Variants in SNX10 observed in about 807,000 individuals in gnomAD.
SNX10 encodes the protein sorting nexin-10.
SNX10 carries 25 observed loss-of-function variants against 28.5 expected under a neutral mutation model. The ratio of observed to expected loss-of-function variants is 0.88; its 90% CI spans 0.64 to 1.22. The LOEUF is 1.22. Ranked by LOEUF, SNX10 falls within the 50% of genes most tolerant of loss-of-function variation. The pLI, the probability that SNX10 is intolerant of heterozygous loss-of-function variation, is 0.00. For synonymous variants in SNX10, 62 were observed against 81.4 expected (o/e 0.76, Z 1.28); for missense variants, 223 against 242.6 (o/e 0.92, Z 0.54).
chr7:26,300,202 C>G (rs1241884280), intron 1 of SNX10, among the ~76,000 whole-genome samples: 1 of 151,986 alleles, frequency 6.6e-6, no homozygotes, highest in Non-Finnish European at 1.5e-5. Context: ...CAGAGCGAGA[C>G]TCTGTCTCAA....
intron 2 of SNX10, among the ~76,000 whole-genome samples, chr7:26,353,597 G>A (rs1788701948): frequency 6.6e-6 from 1 of 151,990 alleles, no homozygotes; most frequent in Non-Finnish European, 1.5e-5. Context: ...GATTACAAGT[G>A]TGTGCCACCA....
At chr7:26,310,767 C>T (rs1298041098) in intron 1 of SNX10, among the ~76,000 whole-genome samples, 2 of 151,734 alleles carry the variant, frequency 1.3e-5, no homozygotes, top group African/African-American at 2.4e-5. Flanking sequence ...CTGCAAGCTC[C>T]GCCTCCTGGG....
chr7:26,335,962 A>G (rs1000096746), intron 1 of SNX10, among the ~76,000 whole-genome samples: 2 of 150,538 alleles, frequency 1.3e-5, no homozygotes, highest in Admixed American at 1.3e-4. Flanking sequence ...CGATCTCCTG[A>G]CCTCGTGATC....
At chr7:26,366,757 T>C (rs1179127701) in intron 5 of SNX10, among the ~76,000 whole-genome samples, 6 of 152,226 alleles carry the variant, frequency 3.9e-5, no homozygotes, top group African/African-American at 1.2e-4. Context: ...CTCTGAATTA[T>C]ATTGCTGGTT....
intron 1 of SNX10, among the ~76,000 whole-genome samples, chr7:26,306,410 G>T (rs1251207787): frequency 7.6e-6 from 1 of 131,600 alleles, no homozygotes. Context: ...TGCTTGAAGA[G>T]AATTTTTTTT....
At chr7:26,292,943 C>T (rs1436015773) in intron 1 of SNX10, 1 of 152,296 alleles carries the variant, frequency 6.6e-6, no homozygotes, top group Non-Finnish European at 1.5e-5. Flanking sequence ...GTTATGTCCA[C>T]CTCTGGGGCC....
chr7:26,372,072 T>G (rs1398536158), intron 6 of SNX10, 39 bp downstream of exon 6: 1 of 1,291,968 alleles, frequency 7.7e-7, no homozygotes, highest in South Asian at 1.2e-5. Context: ...TATGTATTTA[T>G]ATAATACATA....
intron 1 of SNX10, among the ~76,000 whole-genome samples, chr7:26,321,340 ACT>A (rs1373730184): frequency 6.6e-6 from 1 of 152,130 alleles, no homozygotes; most frequent in Non-Finnish European, 1.5e-5. Flanking sequence ...CTCACAGAGA[ACT>A]CTAATATGTT....
intron 6 of SNX10, 64 bp from the exon 7 acceptor site, chr7:26,372,427 C>A: frequency 1.0e-6 from 1 of 994,656 alleles, no homozygotes. Flanking sequence ...GTTACTCAGG[C>A]TTTGAGTGTG....
At chr7:26,342,336 A>G (rs1195640087) in intron 1 of SNX10, among the ~76,000 whole-genome samples, 1 of 152,128 alleles carries the variant, frequency 6.6e-6, no homozygotes, top group Admixed American at 6.6e-5. Flanking sequence ...CTCAGGGAGC[A>G]ATTTCTGATT....
At chr7:26,314,157 A>T (rs115202654) in intron 1 of SNX10, among the ~76,000 whole-genome samples, 5,925 of 152,196 alleles carry the variant, frequency 0.039, 381 homozygotes, top group East Asian at 0.27. Context: ...TTTTCTTTTT[A>T]AAAAAGTTAT....
At chr7:26,338,462 G>T (rs570767670) in intron 1 of SNX10, among the ~76,000 whole-genome samples, 44 of 151,720 alleles carry the variant, frequency 2.9e-4, no homozygotes, top group African/African-American at 9.9e-4. Flanking sequence ...ATCTCGCTCT[G>T]TTGCCCAGGC....
At chr7:26,295,665 A>G (rs917745054) in intron 1 of SNX10, among the ~76,000 whole-genome samples, 6 of 152,192 alleles carry the variant, frequency 3.9e-5, no homozygotes, top group African/African-American at 1.2e-4. Context: ...AGATCAATCA[A>G]TTACGAATTG....
chr7:26,326,477 T>A (rs1461009955), intron 1 of SNX10, among the ~76,000 whole-genome samples: 1 of 152,178 alleles, frequency 6.6e-6, no homozygotes, highest in Non-Finnish European at 1.5e-5. Flanking sequence ...ACATGGATCA[T>A]ACTGTACTCT....
At chr7:26,308,457 A>G (rs1390451017) in intron 1 of SNX10, among the ~76,000 whole-genome samples, 1 of 152,000 alleles carries the variant, frequency 6.6e-6, no homozygotes, top group Non-Finnish European at 1.5e-5. Flanking sequence ...GTCCAATCAT[A>G]TTTCTGCATG....
intron 2 of SNX10, among the ~76,000 whole-genome samples, chr7:26,346,952 C>T (rs1269066859): frequency 1.3e-5 from 2 of 152,248 alleles, no homozygotes; most frequent in Admixed American, 6.5e-5. Flanking sequence ...CCCTGAGCCT[C>T]TCCCTGACTG....
chr7:26,323,689 A>T (rs1324218010), intron 1 of SNX10, among the ~76,000 whole-genome samples: 1 of 152,202 alleles, frequency 6.6e-6, no homozygotes, highest in East Asian at 1.9e-4. Context: ...CCTTGAGAAG[A>T]TCACTCTGAG....
chr7:26,323,180 G>A (rs1328118380), intron 1 of SNX10, among the ~76,000 whole-genome samples: 3 of 152,126 alleles, frequency 2.0e-5, no homozygotes, highest in African/African-American at 7.2e-5. Flanking sequence ...AGCCTGGGAG[G>A]TGGAGGTTGC....
At chr7:26,304,216 G>T (rs780833035) in intron 1 of SNX10, among the ~76,000 whole-genome samples, 14 of 152,162 alleles carry the variant, frequency 9.2e-5, no homozygotes, top group Non-Finnish European at 1.6e-4. Context: ...TTCCCCATCT[G>T]AATGAAGGCC....
Sources: allele counts gnomAD v4.1 joint callset (sites outside exome capture counted in the v4.1 genomes callset), GRCh38; gene constraint gnomAD v4.1.1; transcripts MANE v1.5; gene names NCBI Gene and HGNC (gene_info 2026-07-23, HGNC 2026-07-21).